TULP3: variants seen among roughly 807,000 people sequenced by gnomAD.
The protein encoded by TULP3 is tubby-related protein 3.
A neutral mutation model predicts 50.7 loss-of-function variants in TULP3; 38 were observed. The ratio of observed to expected loss-of-function variants is 0.75; its 90% CI spans 0.58 to 0.98. The LOEUF is 0.98. TULP3 is among the 50% of genes least tolerant of loss of function. The pLI is 0.00. For synonymous variants in TULP3, 183 were observed against 196.6 expected, an observed-to-expected ratio of 0.93 and a Z score of 0.58; for missense variants, 550 against 568.0, an observed-to-expected ratio of 0.97 and a Z score of 0.32.
intron 1 of TULP3, among the ~76,000 whole-genome samples, chr12:2,908,492 G>A (rs1012706819): frequency 6.6e-6 from 1 of 152,092 alleles, no homozygotes; most frequent in Non-Finnish European, 1.5e-5. Context: ...GAGTGCAATC[G>A]TGTGATCTTG....
At chr12:2,922,121 A>AAATGTTCTTATGGATGTTAAG (rs1444064141) in intron 3 of TULP3, 141 bp from the exon 4 acceptor site, 35 of 1,058,052 alleles carry the variant, frequency 3.3e-5, no homozygotes, top group Non-Finnish European at 4.7e-5. Context: ...CTCTCTTAAC[A>AAATGTTCTTATGGATGTTAAG]AATGTTCTTA....
At chr12:2,923,974 C>T (rs2098193294) in intron 4 of TULP3, among the ~76,000 whole-genome samples, 1 of 151,912 alleles carries the variant, frequency 6.6e-6, no homozygotes, top group Non-Finnish European at 1.5e-5. Flanking sequence ...GAGCAGGACC[C>T]CGTCTCAACA....
intron 2 of TULP3, among the ~76,000 whole-genome samples, chr12:2,920,491 G>A (rs374454834): frequency 6.1e-4 from 93 of 151,832 alleles, no homozygotes; most frequent in African/African-American, 2.2e-3. Flanking sequence ...CTGGGCAACT[G>A]AGTGAGACTC....
chr12:2,908,242 C>T (rs763213460), intron 1 of TULP3, among the ~76,000 whole-genome samples: 4 of 152,136 alleles, frequency 2.6e-5, no homozygotes, highest in Non-Finnish European at 5.9e-5. Flanking sequence ...AATTTGTCTT[C>T]TTAAATAGCA....
In TULP3 at chr12:2,940,245, C is replaced by T. The variant is rs1481014018; in HGVS notation, c.*801C>T. 1 of 1,370,600 alleles carries T rather than the reference C, an allele frequency of 7.3e-7. No homozygotes were observed. Among genetic ancestry groups the T allele is most frequent in the South Asian group, 1.2e-5 (1 of 81,710 alleles). The allele number at this position is 1,370,600 out of a possible 1,614,324, so 84.9% of individuals were successfully genotyped here. A position where few individuals can be genotyped will look rare whatever the true frequency, so the allele number is the denominator to read the frequency against. On this transcript the variant is annotated 3_prime_UTR_variant, in exon 11 of 11. Transcript: ENST00000448120. ...ACGGATCCATTAGTGAGGAGCGACA[C>T]ACACACCTGTAGGCATCCTGTGCAA... is the stretch of plus-strand genomic sequence containing the variant.
At chr12:2,910,970 C>G (rs369454029) in intron 2 of TULP3, among the ~76,000 whole-genome samples, 1 of 152,086 alleles carries the variant, frequency 6.6e-6, no homozygotes, top group East Asian at 1.9e-4. Context: ...TCTTAGGCAT[C>G]CTAGTATCGT....
At chr12:2,930,399 A>G (rs2098197274) in intron 5 of TULP3, 54 bp downstream of exon 5, 4 of 1,110,242 alleles carry the variant, frequency 3.6e-6, no homozygotes, top group Admixed American at 4.6e-5. Flanking sequence ...TTTCTCAAAC[A>G]TATCTTCAGT....
chr12:2,911,966 TAA>T (rs1186574917), intron 2 of TULP3, among the ~76,000 whole-genome samples: 1 of 144,590 alleles, frequency 6.9e-6, no homozygotes, highest in African/African-American at 2.5e-5. Flanking sequence ...CTCCATCTCT[TAA>T]AAAAAAAAAG....
rs1356688118 is a variant in TULP3, at chr12:2,940,094, T to C, written c.*650T>C. On this transcript the variant is annotated 3_prime_UTR_variant, in exon 11 of 11. Coordinates refer to ENST00000448120, the MANE Select transcript of TULP3 (RefSeq NM_003324.5). ...TGTGATCAATTATGTGAGAATTTTA[T>C]ATAATTGTCTTCATTTCAATTAAGG... 1 of 1,289,836 alleles carries C rather than the reference T, an allele frequency of 7.8e-7. No individual in the cohort carries two copies. Among genetic ancestry groups the C allele is most frequent in the Non-Finnish European group, 1.0e-6 (1 of 989,292 alleles). 79.9% of individuals were successfully genotyped at this position (1,289,836 alleles called of 1,614,324 possible).
At chr12:2,895,943 C>CTTTT (rs3056915) in intron 1 of TULP3, among the ~76,000 whole-genome samples, 1,665 of 145,322 alleles carry the variant, frequency 0.011, 35 homozygotes, top group African/African-American at 0.04. Flanking sequence ...AGTGAGAATA[C>CTTTT]TTTTTTTTTT....
At chr12:2,909,441 T>A in intron 1 of TULP3, 88 bp from the exon 2 acceptor site, 1 of 1,318,120 alleles carries the variant, frequency 7.6e-7, no homozygotes, top group Non-Finnish European at 1.1e-6. Flanking sequence ...TGGTTCCAAA[T>A]AGCCCAAAAG....
At chr12:2,914,348 T>C (rs528267776) in intron 2 of TULP3, among the ~76,000 whole-genome samples, 1 of 151,908 alleles carries the variant, frequency 6.6e-6, no homozygotes, top group East Asian at 2.0e-4. Flanking sequence ...GGTCTCGAAC[T>C]CCCGACCTCA....
chr12:2,907,951 G>T (rs1476718629), intron 1 of TULP3, among the ~76,000 whole-genome samples: 2 of 151,952 alleles, frequency 1.3e-5, no homozygotes, highest in African/African-American at 4.8e-5. Context: ...TTTTTTATTT[G>T]TTTTTTAAAC....
chr12:2,912,286 T>G (rs2098186116), intron 2 of TULP3, among the ~76,000 whole-genome samples: 1 of 152,230 alleles, frequency 6.6e-6, no homozygotes, highest in Admixed American at 6.5e-5. Context: ...AGAAAGAATC[T>G]TAAGCGTGTC....
At chr12:2,898,303 T>C (rs948128525) in intron 1 of TULP3, among the ~76,000 whole-genome samples, 1 of 152,118 alleles carries the variant, frequency 6.6e-6, no homozygotes, top group African/African-American at 2.4e-5. Context: ...TTTGAACTAA[T>C]ATAGGCCAAG....
At chr12:2,923,158 C>T (rs1591533097) in intron 4 of TULP3, among the ~76,000 whole-genome samples, 1 of 151,866 alleles carries the variant, frequency 6.6e-6, no homozygotes, top group South Asian at 2.1e-4. Context: ...CACGCCCAGC[C>T]GAAAAATAAT....
chr12:2,890,930 G>A lies in TULP3; in HGVS notation c.-18G>A. The A allele has an allele frequency of 1.9e-6, 3 of 1,593,130 alleles. No homozygotes were observed. Among genetic ancestry groups the A allele is most frequent in the Non-Finnish European group, 2.6e-6 (3 of 1,170,100 alleles). ...GGGGAAGAGTGTGTACGTGGTGGGG[G>A]CTTCCTCGGTGGCGGGCATGGAGGC... On this transcript the variant is annotated 5_prime_UTR_variant, in exon 1 of 11. Coordinates refer to ENST00000448120, the MANE Select transcript of TULP3 (RefSeq NM_003324.5).
intron 2 of TULP3, among the ~76,000 whole-genome samples, chr12:2,918,782 C>T (rs1565502951): frequency 6.6e-6 from 1 of 152,044 alleles, no homozygotes; most frequent in Non-Finnish European, 1.5e-5. Context: ...TCAGGTGATC[C>T]GTCCGCCTCA....
intron 1 of TULP3, among the ~76,000 whole-genome samples, chr12:2,899,418 A>G (rs771554530): frequency 2.6e-5 from 4 of 151,600 alleles, no homozygotes; most frequent in Non-Finnish European, 4.4e-5. Context: ...GGCAGGCCAG[A>G]TTTGGCCCAC....
Sources: allele counts gnomAD v4.1 joint callset (sites outside exome capture counted in the v4.1 genomes callset), GRCh38; gene constraint gnomAD v4.1.1; transcripts MANE v1.5; gene names NCBI Gene and HGNC (gene_info 2026-07-23, HGNC 2026-07-21).